The following GABRB1 variants were observed in gnomAD, a reference collection of about 807,000 sequenced individuals.
GABRB1 encodes the protein gamma-aminobutyric acid type A receptor subunit beta1, also known as gamma-aminobutyric acid receptor subunit beta-1.
GABRB1 carries 17 observed loss-of-function variants against 51.6 expected under a neutral mutation model. That is an observed-to-expected ratio of 0.33 (90% CI 0.23 to 0.49). The LOEUF is 0.49. Among genes scored for constraint, GABRB1 ranks in the 20% least tolerant of loss-of-function variants. The pLI, the probability that GABRB1 is intolerant of heterozygous loss-of-function variation, is 0.99. For synonymous variants in GABRB1, 247 were observed against 218.9 expected (o/e 1.13, Z -1.14); for missense variants, 410 against 600.6 (o/e 0.68, Z 3.32).
chr4:47,019,888 A>ATATAATATATGTATATG (rs1724874989), intron 1 of GABRB1, among the ~76,000 whole-genome samples: 1 of 139,684 alleles, frequency 7.2e-6, no homozygotes, highest in Non-Finnish European at 1.5e-5. Context: ...TATATATATA[A>ATATAATATATGTATATG]TATATGTATA....
Position 47,295,964 on chromosome 4 carries a change from A to G in GABRB1, c.462-24163A>G, listed in dbSNP as rs901101630. On this transcript the variant is annotated intron_variant, in intron 4 of 8. Transcript: ENST00000295454. ...GTGGGGGCCAATATTCAACATTCTT[A>G]AAGAAAAGAATTTTCAACCCAGAAT... Among the ~76,000 whole-genome samples the G allele has an allele frequency of 2.6e-5, 4 of 152,260 alleles. 1 individual carries two copies. The highest frequency in any genetic ancestry group is 4.1e-4 in the South Asian group (2 of 4,824).
intron 4 of GABRB1, among the ~76,000 whole-genome samples, chr4:47,203,513 TA>T (rs1372810650): frequency 6.6e-6 from 1 of 152,024 alleles, no homozygotes; most frequent in Non-Finnish European, 1.5e-5. Flanking sequence ...GTAGGGGTAG[TA>T]GGATGAGTAG....
At chr4:47,010,619 G>A (rs1465392650) in intron 1 of GABRB1, among the ~76,000 whole-genome samples, 1 of 152,146 alleles carries the variant, frequency 6.6e-6, no homozygotes, top group Non-Finnish European at 1.5e-5. Context: ...TTTTATTATT[G>A]TGAAATTATC....
chr4:47,101,241 T>C (rs539991224), intron 3 of GABRB1, among the ~76,000 whole-genome samples: 1 of 152,132 alleles, frequency 6.6e-6, no homozygotes, highest in East Asian at 1.9e-4. Context: ...GATGAATGAA[T>C]AAGTACATGA....
At chr4:47,376,659 CA>C (rs1391333284) in intron 5 of GABRB1, among the ~76,000 whole-genome samples, 1 of 151,926 alleles carries the variant, frequency 6.6e-6, no homozygotes, top group Non-Finnish European at 1.5e-5. Flanking sequence ...AAACAAAAAA[CA>C]AAAAAGAAGC....
chr4:47,057,758 A>G (rs1400775037), intron 3 of GABRB1, among the ~76,000 whole-genome samples: 1 of 152,238 alleles, frequency 6.6e-6, no homozygotes, highest in African/African-American at 2.4e-5. Context: ...AAACTTTGTG[A>G]AAATACGGAC....
At chr4:47,025,696 G>T (rs1725068072) in intron 1 of GABRB1, among the ~76,000 whole-genome samples, 1 of 151,814 alleles carries the variant, frequency 6.6e-6, no homozygotes, top group South Asian at 2.1e-4. Context: ...TTAACATGAG[G>T]CAGAGTAAAA....
At chr4:47,243,454 T>C (rs13373758) in intron 4 of GABRB1, among the ~76,000 whole-genome samples, 9 of 152,212 alleles carry the variant, frequency 5.9e-5, no homozygotes, top group African/African-American at 1.9e-4. Context: ...GGGAATGGCA[T>C]TGAATCTATA....
intron 3 of GABRB1, among the ~76,000 whole-genome samples, chr4:47,043,996 T>C (rs111817942): frequency 1.2e-4 from 18 of 152,270 alleles, no homozygotes; most frequent in African/African-American, 4.3e-4. Context: ...AGTTATTTCA[T>C]ACGTTTTCCC....
At chr4:47,168,632 T>C (rs1158339256) in intron 4 of GABRB1, among the ~76,000 whole-genome samples, 2 of 152,162 alleles carry the variant, frequency 1.3e-5, no homozygotes. Context: ...AATGCCTGAC[T>C]GTCTTCTTTG....
intron 4 of GABRB1, among the ~76,000 whole-genome samples, chr4:47,252,721 T>C (rs1722043138): frequency 6.6e-6 from 1 of 152,006 alleles, no homozygotes; most frequent in African/African-American, 2.4e-5. Context: ...TTGGCCAGGC[T>C]GGTCTCAAAC....
chr4:47,032,541 G>T, intron 3 of GABRB1, 57 bp downstream of exon 3: 1 of 1,508,414 alleles, frequency 6.6e-7, no homozygotes, highest in Non-Finnish European at 9.2e-7. Flanking sequence ...GAAATGGACA[G>T]GTCCCTTTGC....
intron 5 of GABRB1, among the ~76,000 whole-genome samples, chr4:47,372,251 T>G (rs1230724540): frequency 2.0e-5 from 3 of 152,222 alleles, no homozygotes; most frequent in African/African-American, 7.2e-5. Context: ...AGTTGTAGTG[T>G]GCAGTCTTAT....
intron 4 of GABRB1, among the ~76,000 whole-genome samples, chr4:47,214,322 A>G (rs553424001): frequency 6.6e-6 from 1 of 152,178 alleles, no homozygotes; most frequent in African/African-American, 2.4e-5. Flanking sequence ...AGCCCTCTGA[A>G]CCCTCTTCTC....
At chr4:47,401,280 G>T (rs62297828) in intron 5 of GABRB1, among the ~76,000 whole-genome samples, 37,546 of 152,036 alleles carry the variant, frequency 0.25, 5,536 homozygotes, top group African/African-American at 0.41. Context: ...AAATGGAAAC[G>T]TTTATGCTCT....
intron 3 of GABRB1, among the ~76,000 whole-genome samples, chr4:47,152,951 C>T (rs923716694): frequency 6.6e-6 from 1 of 151,996 alleles, no homozygotes; most frequent in Non-Finnish European, 1.5e-5. Flanking sequence ...TATCCTCCTA[C>T]TCGATCATTT....
At chr4:47,239,504 G>C (rs1163965130) in intron 4 of GABRB1, among the ~76,000 whole-genome samples, 1 of 152,070 alleles carries the variant, frequency 6.6e-6, no homozygotes, top group Non-Finnish European at 1.5e-5. Context: ...ATTAGCAATG[G>C]GCTTGTCCAG....
rs531392113 is a variant in GABRB1 at position 47,153,477 on chromosome 4, GA to G, written c.241-7771del. 1.4e-3 allele frequency among the ~76,000 whole-genome samples: 220 copies of G among 152,010 alleles called. 1 individual carries two copies. In the Middle Eastern group the frequency reaches 0.048, roughly 33 times the overall value. On this transcript the variant is annotated intron_variant, in intron 3 of 8. Transcript: ENST00000295454. ...AGAAATTGGATTCATCATCAAAAAA[GA>G]TTTTTACATTTTTTTAAAAAATGGA...
intron 4 of GABRB1, among the ~76,000 whole-genome samples, chr4:47,172,689 T>C (rs2109757419): frequency 8.2e-6 from 1 of 122,056 alleles, no homozygotes; most frequent in East Asian, 2.7e-4. Context: ...TCGCCCAGGC[T>C]GAAGTGCAGT....
Sources: allele counts gnomAD v4.1 joint callset (sites outside exome capture counted in the v4.1 genomes callset), GRCh38; gene constraint gnomAD v4.1.1; transcripts MANE v1.5; gene names NCBI Gene and HGNC (gene_info 2026-07-23, HGNC 2026-07-21).